LIPA: variants seen among roughly 807,000 people sequenced by gnomAD.
The protein encoded by LIPA is lysosomal acid lipase/cholesteryl ester hydrolase.
Under a neutral mutation model 40.6 loss-of-function variants are expected in LIPA, and 26 were observed. That is an observed-to-expected ratio of 0.64 (90% CI 0.47 to 0.89). The LOEUF is 0.89. LIPA is among the 40% of genes least tolerant of loss of function. The pLI, the probability that LIPA is intolerant of heterozygous loss-of-function variation, is 0.00. For missense variants in LIPA, 455 were observed against 479.6 expected (o/e 0.95, Z 0.48); for synonymous variants, 188 against 168.4 (o/e 1.12, Z -0.90).
intron 8 of LIPA, among the ~76,000 whole-genome samples, chr10:89,218,400 A>G (rs188102889): frequency 4.3e-4 from 65 of 152,366 alleles, no homozygotes; most frequent in African/African-American, 1.5e-3. Flanking sequence ...CAAATATTTT[A>G]AAACTTTAGT....
chr10:89,349,171 G>C (rs1312888104), intron 2 of LIPA, among the ~76,000 whole-genome samples: 2 of 152,146 alleles, frequency 1.3e-5, no homozygotes, highest in Non-Finnish European at 2.9e-5. Context: ...TTATCAACCA[G>C]GAAGATTAAA....
At chr10:89,402,154 A>G (rs528514654) in intron 2 of LIPA, 2 of 654,384 alleles carry the variant, frequency 3.1e-6, no homozygotes, top group South Asian at 4.0e-5. Context: ...AAAATACATT[A>G]ACTTTAATGA....
At chr10:89,316,677 T>C (rs1843543260) in intron 1 of LIPA, among the ~76,000 whole-genome samples, 1 of 152,226 alleles carries the variant, frequency 6.6e-6, no homozygotes, top group Non-Finnish European at 1.5e-5. Flanking sequence ...GAAACTTCTG[T>C]AGACTTAAAC....
chr10:89,246,629 T>C (rs1843028195), intron 2 of LIPA, among the ~76,000 whole-genome samples: 1 of 152,242 alleles, frequency 6.6e-6, no homozygotes, highest in Admixed American at 6.5e-5. Context: ...GCTGGGTCAC[T>C]GCAACATCTA....
chr10:89,249,046 C>T (rs1843077082), intron 1 of LIPA, among the ~76,000 whole-genome samples: 1 of 152,220 alleles, frequency 6.6e-6, no homozygotes, highest in African/African-American at 2.4e-5. Flanking sequence ...GCTCTTCCTC[C>T]TACTTATCTA....
intron 1 of LIPA, among the ~76,000 whole-genome samples, chr10:89,283,365 T>A (rs1843325817): frequency 6.6e-6 from 1 of 152,258 alleles, no homozygotes; most frequent in Non-Finnish European, 1.5e-5. Context: ...CTCGGAAGTC[T>A]GCCTGATTGG....
At chr10:89,386,180 T>C (rs553385333) in intron 2 of LIPA, among the ~76,000 whole-genome samples, 3 of 152,176 alleles carry the variant, frequency 2.0e-5, no homozygotes, top group African/African-American at 4.8e-5. Flanking sequence ...GCCAAAACCA[T>C]AAGTGCATGC....
At chr10:89,392,471 AC>A (rs11296868) in intron 2 of LIPA, 16,870 of 130,890 alleles carry the variant, frequency 0.13, 2,333 homozygotes, top group African/African-American at 0.34. Context: ...TTCATTCCCC[AC>A]CCCCCCCCGT....
chr10:89,229,843 T>C (rs1842819352), intron 3 of LIPA, among the ~76,000 whole-genome samples: 1 of 151,630 alleles, frequency 6.6e-6, no homozygotes, highest in Admixed American at 6.6e-5. Context: ...TTCCACTCTG[T>C]GAGGGATGTT....
chr10:89,346,611 C>T (rs1014917473), upstream of LIPA, among the ~76,000 whole-genome samples: 1 of 152,208 alleles, frequency 6.6e-6, no homozygotes, highest in African/African-American at 2.4e-5. Context: ...CACAACCCTC[C>T]TGAGCTCCCT....
intron 2 of LIPA, among the ~76,000 whole-genome samples, chr10:89,401,007 C>T (rs1195966740): frequency 6.6e-6 from 1 of 151,330 alleles, no homozygotes; most frequent in African/African-American, 2.4e-5. Context: ...TTTCCTGCAT[C>T]AATTGAGATG....
intron 2 of LIPA, among the ~76,000 whole-genome samples, chr10:89,385,825 C>T (rs1230162911): frequency 6.6e-6 from 1 of 152,214 alleles, no homozygotes; most frequent in African/African-American, 2.4e-5. Context: ...CCTGAGATCA[C>T]ACCTAAAATC....
At chr10:89,334,529 T>C (rs1407175517) in intron 1 of LIPA, among the ~76,000 whole-genome samples, 1 of 114,472 alleles carries the variant, frequency 8.7e-6, no homozygotes, top group African/African-American at 3.6e-5. Flanking sequence ...GGAGTTTTGC[T>C]CTTTCGCCCA....
At chr10:89,298,848 C>T (rs12259938) in intron 1 of LIPA, among the ~76,000 whole-genome samples, 38,196 of 151,512 alleles carry the variant, frequency 0.25, 4,983 homozygotes, top group Middle Eastern at 0.29. Context: ...TAGCCAGGCA[C>T]GGTGGTACAT....
intron 1 of LIPA, 197 bp from the exon 2 acceptor site, chr10:89,247,846 T>TTTATTTA (rs1554869397): frequency 2.4e-5 from 4 of 164,268 alleles, no homozygotes; most frequent in African/African-American, 5.1e-5. Context: ...TTTATTTTTA[T>TTTATTTA]TTTATTTATT....
intron 1 of LIPA, among the ~76,000 whole-genome samples, chr10:89,332,105 T>C (rs7910389): frequency 0.24 from 36,409 of 151,966 alleles, 4,581 homozygotes; most frequent in African/African-American, 0.29. Flanking sequence ...GTGGTGCACG[T>C]CTGTAATCCC....
chr10:89,382,468 T>C (rs1185137386), intron 2 of LIPA, among the ~76,000 whole-genome samples: 1 of 152,188 alleles, frequency 6.6e-6, no homozygotes, highest in Non-Finnish European at 1.5e-5. Flanking sequence ...AAAAAACCCT[T>C]CTGGTCCCAC....
At chr10:89,375,608 T>C (rs1022305966) in intron 2 of LIPA, among the ~76,000 whole-genome samples, 1 of 152,142 alleles carries the variant, frequency 6.6e-6, no homozygotes, top group African/African-American at 2.4e-5. Flanking sequence ...CTTGGTTTGC[T>C]CAACCCCAGA....
intron 1 of LIPA, among the ~76,000 whole-genome samples, chr10:89,317,269 C>G (rs117011210): frequency 1.3e-5 from 2 of 152,070 alleles, no homozygotes; most frequent in Admixed American, 6.6e-5. Flanking sequence ...CAAATTTCTT[C>G]GAGCTAAGGG....
Sources: gnomAD v4.1 joint callset for allele counts (sites outside exome capture counted in the v4.1 genomes callset) on GRCh38, gnomAD v4.1.1 for gene constraint, MANE v1.5 for transcripts, NCBI Gene and HGNC (gene_info 2026-07-23, HGNC 2026-07-21) for gene names.